The following CDYL variants were observed in gnomAD, a reference collection of about 807,000 sequenced individuals.
CDYL encodes chromodomain Y-like protein.
Under a neutral mutation model 47.3 loss-of-function variants are expected in CDYL, and 8 were observed. The observed-to-expected ratio is 0.17, with a 90% confidence interval of 0.10 to 0.31. The LOEUF is 0.31. Ranked by LOEUF, CDYL falls within the 10% of genes least tolerant of loss-of-function variation. CDYL has a pLI of 1.00. For missense variants in CDYL, 471 were observed against 701.4 expected (o/e 0.67, Z 3.71); for synonymous variants, 266 against 265.0 (o/e 1.00, Z -0.04).
intron 4 of CDYL, among the ~76,000 whole-genome samples, chr6:4,940,327 T>C (rs1032996126): frequency 7.9e-5 from 12 of 152,204 alleles, no homozygotes; most frequent in African/African-American, 2.7e-4. Flanking sequence ...AATAATTAGT[T>C]ACACCAGAGT....
intron 5 of CDYL, among the ~76,000 whole-genome samples, chr6:4,947,267 AT>A (rs1465096122): frequency 2.6e-5 from 4 of 152,094 alleles, no homozygotes; most frequent in Admixed American, 6.5e-5. Flanking sequence ...TCTGATAGGG[AT>A]GGGTGGGCCA....
chr6:4,936,629 A>G (rs3804547), intron 3 of CDYL, among the ~76,000 whole-genome samples: 89,076 of 152,112 alleles, frequency 0.59, 28,666 homozygotes, highest in Middle Eastern at 0.82. Context: ...TTACCAGTCC[A>G]TGCTAATGTG....
intron 1 of CDYL, among the ~76,000 whole-genome samples, chr6:4,848,061 C>A (rs892224936): frequency 2.0e-5 from 3 of 152,178 alleles, no homozygotes; most frequent in African/African-American, 7.2e-5. Flanking sequence ...GAAAATATTA[C>A]TGGCTTATGC....
intron 2 of CDYL, among the ~76,000 whole-genome samples, chr6:4,913,976 A>G (rs1274038738): frequency 2.0e-5 from 3 of 152,198 alleles, no homozygotes; most frequent in Non-Finnish European, 4.4e-5. Flanking sequence ...ATTTATTACC[A>G]TGTATGCCTG....
intron 3 of CDYL, among the ~76,000 whole-genome samples, chr6:4,757,682 A>G (rs1758095595): frequency 6.6e-6 from 1 of 152,260 alleles, no homozygotes; most frequent in Non-Finnish European, 1.5e-5. Context: ...AATGAAAAGA[A>G]AACTCTATTT....
chr6:4,897,594 T>G (rs543363760), intron 2 of CDYL, among the ~76,000 whole-genome samples: 165 of 152,158 alleles, frequency 1.1e-3, no homozygotes, highest in African/African-American at 3.9e-3. Flanking sequence ...TCTCAGAAAT[T>G]AGAACTTAAC....
At chr6:4,834,007 T>A (rs1327253912) in intron 1 of CDYL, among the ~76,000 whole-genome samples, 4 of 151,398 alleles carry the variant, frequency 2.6e-5, no homozygotes, top group Non-Finnish European at 5.9e-5. Flanking sequence ...AACACACTGA[T>A]GGGTCTTGAC....
chr6:4,808,224 G>A (rs1759428837), intron 1 of CDYL, among the ~76,000 whole-genome samples: 1 of 152,114 alleles, frequency 6.6e-6, no homozygotes, highest in South Asian at 2.1e-4. Flanking sequence ...CGAACCTCTA[G>A]GAGGACAAAG....
chr6:4,722,801 CA>C lies in CDYL; in HGVS notation c.103+6921del, dbSNP rs376598610. Among the ~76,000 whole-genome samples the C allele has an allele frequency of 6.5e-3, 989 of 152,300 alleles. 6 individuals are homozygous for C. Among genetic ancestry groups the C allele is most frequent in the South Asian group, 0.019 (94 of 4,826 alleles). On this transcript the variant is annotated intron_variant, in intron 2 of 8. Transcript: ENST00000328908. ...CTGAGGCATGACAATTGCTTGAACC[CA>C]GGGGGCAGAGGTTGCAATGAGCCAA...
chr6:4,802,979 C>T (rs1158214494), intron 1 of CDYL, among the ~76,000 whole-genome samples: 2 of 152,182 alleles, frequency 1.3e-5, no homozygotes, highest in African/African-American at 4.8e-5. Flanking sequence ...TAGACCTTCT[C>T]TTTCCATTGC....
intron 3 of CDYL, among the ~76,000 whole-genome samples, chr6:4,749,287 GGATGGATGGATGGATGGATA>G (rs1348449737): frequency 3.7e-5 from 5 of 134,088 alleles, no homozygotes; most frequent in Non-Finnish European, 6.3e-5. Context: ...TTTGTTGGAT[GGATGGATGGATGGATGGATA>G]GATGGATGGA....
intron 1 of CDYL, among the ~76,000 whole-genome samples, chr6:4,853,330 A>G (rs1760908490): frequency 6.6e-6 from 1 of 152,202 alleles, no homozygotes; most frequent in African/African-American, 2.4e-5. Flanking sequence ...AATAGAGGAC[A>G]TCAAAGTTCA....
chr6:4,905,009 A>G (rs1284763819), intron 2 of CDYL, among the ~76,000 whole-genome samples: 2 of 152,088 alleles, frequency 1.3e-5, no homozygotes, highest in Admixed American at 6.6e-5. Context: ...GATCTCAGAG[A>G]CAGCATTAGG....
At chr6:4,735,620 G>A (rs1253760060) in intron 3 of CDYL, among the ~76,000 whole-genome samples, 1 of 151,838 alleles carries the variant, frequency 6.6e-6, no homozygotes, top group South Asian at 2.1e-4. Context: ...AAAAAAATTA[G>A]CCAAGCTTGG....
intron 1 of CDYL, among the ~76,000 whole-genome samples, chr6:4,813,933 CT>C (rs1759598313): frequency 2.1e-5 from 2 of 96,800 alleles, no homozygotes. Flanking sequence ...CTATGCCTGG[CT>C]AATTTTTTTT....
intron 3 of CDYL, among the ~76,000 whole-genome samples, chr6:4,766,753 C>T (rs1180306086): frequency 6.6e-6 from 1 of 152,016 alleles, no homozygotes; most frequent in African/African-American, 2.4e-5. Context: ...ACCTGTAATC[C>T]TAGCCTTTGG....
intron 3 of CDYL, among the ~76,000 whole-genome samples, chr6:4,751,862 C>T (rs1048095084): frequency 2.6e-5 from 4 of 152,214 alleles, no homozygotes; most frequent in African/African-American, 9.7e-5. Context: ...CTTTATCTTT[C>T]ACAAGTTGAA....
chr6:4,709,817 T>A (rs1412265227), intron 1 of CDYL, among the ~76,000 whole-genome samples: 1 of 152,228 alleles, frequency 6.6e-6, no homozygotes, highest in Non-Finnish European at 1.5e-5. Flanking sequence ...CTTGATTCGG[T>A]GTGAGGCATA....
At chr6:4,902,450 A>G (rs993068468) in intron 2 of CDYL, among the ~76,000 whole-genome samples, 10 of 151,768 alleles carry the variant, frequency 6.6e-5, no homozygotes, top group Admixed American at 5.3e-4. Context: ...AGCCTGGACA[A>G]TCATACTTTG....
Sources: gnomAD v4.1 joint callset for allele counts (sites outside exome capture counted in the v4.1 genomes callset) on GRCh38, gnomAD v4.1.1 for gene constraint, MANE v1.5 for transcripts, NCBI Gene and HGNC (gene_info 2026-07-23, HGNC 2026-07-21) for gene names.